The following RBFOX1 variants were observed in gnomAD, a reference collection of about 807,000 sequenced individuals.
The protein encoded by RBFOX1 is RNA binding protein fox-1 homolog 1.
RBFOX1 carries 8 observed loss-of-function variants against 57.7 expected under a neutral mutation model. The ratio of observed to expected loss-of-function variants is 0.14; its 90% CI spans 0.08 to 0.25. The LOEUF (loss-of-function observed/expected upper bound fraction) is 0.25, where lower values mean the gene tolerates loss of function less well. Among genes scored for constraint, RBFOX1 ranks in the 10% least tolerant of loss-of-function variants. The pLI is 1.00. For missense variants in RBFOX1, 611 were observed against 548.5 expected (o/e 1.11, Z -1.14); for synonymous variants, 326 against 222.4 (o/e 1.47, Z -4.15).
At chr16:5,365,793 C>T (rs1482682396) in intron 1 of RBFOX1, 1 of 510,668 alleles carries the variant, frequency 2.0e-6, no homozygotes, top group African/African-American at 1.9e-5. Flanking sequence ...ATGCTGCCAC[C>T]CAATGGAAGA....
chr16:5,976,266 A>G (rs1167832915), intron 4 of RBFOX1, among the ~76,000 whole-genome samples: 6 of 152,238 alleles, frequency 3.9e-5, no homozygotes, highest in Non-Finnish European at 8.8e-5. Flanking sequence ...AGAAAACAAC[A>G]GCAGCAACAA....
intron 3 of RBFOX1, among the ~76,000 whole-genome samples, chr16:5,678,361 A>G (rs2050227544): frequency 2.0e-5 from 3 of 152,330 alleles, no homozygotes. Flanking sequence ...TGTTGAACAA[A>G]CAAGTATTCG....
At chr16:6,134,573 C>G (rs888457224) in intron 1 of RBFOX1, among the ~76,000 whole-genome samples, 2 of 152,094 alleles carry the variant, frequency 1.3e-5, no homozygotes, top group Non-Finnish European at 2.9e-5. Context: ...ATTAGTTCTG[C>G]CCTACTCAGA....
chr16:6,408,996 G>C (rs1049351349), intron 2 of RBFOX1, among the ~76,000 whole-genome samples: 4 of 152,036 alleles, frequency 2.6e-5, no homozygotes, highest in Admixed American at 1.3e-4. Context: ...TTTCTGTTTT[G>C]TTCATCAATG....
rs140364987 is a variant in RBFOX1, at chr16:5,758,854, C to G, written c.319-108449C>G. Among the ~76,000 whole-genome samples, 111 of 152,248 alleles carry G rather than the reference C, an allele frequency of 7.3e-4. 1 individual carries two copies. Among genetic ancestry groups the G allele is most frequent in the African/African-American group, 2.5e-3 (102 of 41,550 alleles). On this transcript the variant is annotated intron_variant, in intron 3 of 19. Transcript: ENST00000641259. ...AGACAGGAAAAAGGTTTGTTAATGTCCCACTGTGGCAAAAGCGTGGCTGAC... is the reference window on the plus strand; with the variant it reads ...AGACAGGAAAAAGGTTTGTTAATGTGCCACTGTGGCAAAAGCGTGGCTGAC...
intron 4 of RBFOX1, among the ~76,000 whole-genome samples, chr16:5,891,410 T>C (rs1418178038): frequency 6.6e-6 from 1 of 152,224 alleles, no homozygotes; most frequent in Non-Finnish European, 1.5e-5. Flanking sequence ...ATCTTTCCTG[T>C]GCAACACTTT....
At chr16:6,236,167 A>C (rs1218148634) in intron 1 of RBFOX1, among the ~76,000 whole-genome samples, 1 of 152,216 alleles carries the variant, frequency 6.6e-6, no homozygotes, top group Non-Finnish European at 1.5e-5. Flanking sequence ...AAGAAGAGCA[A>C]CATCTGACTT....
intron 4 of RBFOX1, among the ~76,000 whole-genome samples, chr16:7,255,900 C>T (rs1209413112): frequency 6.6e-6 from 1 of 152,068 alleles, no homozygotes; most frequent in African/African-American, 2.4e-5. Context: ...TTTCCGTTAC[C>T]TTATTGGATA....
intron 3 of RBFOX1, among the ~76,000 whole-genome samples, chr16:7,030,077 A>G (rs961787583): frequency 6.6e-6 from 1 of 152,122 alleles, no homozygotes; most frequent in African/African-American, 2.4e-5. Context: ...AAAGTAAAAC[A>G]TTATTACAAA....
chr16:6,532,911 T>G (rs529463036), intron 2 of RBFOX1, among the ~76,000 whole-genome samples: 1 of 152,342 alleles, frequency 6.6e-6, no homozygotes. Flanking sequence ...CCAACACCAC[T>G]GGTCACTCTC....
At chr16:6,650,973 G>A (rs2098587087) in intron 2 of RBFOX1, among the ~76,000 whole-genome samples, 1 of 152,184 alleles carries the variant, frequency 6.6e-6, no homozygotes, top group South Asian at 2.1e-4. Flanking sequence ...CATGATCCCG[G>A]CTTACTGCAT....
chr16:5,313,514 C>T (rs114462620), intron 1 of RBFOX1, among the ~76,000 whole-genome samples: 2 of 152,048 alleles, frequency 1.3e-5, no homozygotes, highest in Non-Finnish European at 1.5e-5. Context: ...TGTATTAGTC[C>T]ATATTCATGC....
At chr16:6,838,700 AGTCTGGGGGCTTGCCC>A (rs1047832111) in intron 3 of RBFOX1, among the ~76,000 whole-genome samples, 33 of 152,110 alleles carry the variant, frequency 2.2e-4, no homozygotes, top group African/African-American at 7.5e-4. Context: ...GCTAATCCCC[AGTCTGGGGGCTTGCCC>A]GTCCTGCATC....
chr16:5,412,183 C>A (rs76749945), intron 1 of RBFOX1, among the ~76,000 whole-genome samples: 3,236 of 151,900 alleles, frequency 0.021, 113 homozygotes, highest in African/African-American at 0.074. Flanking sequence ...TGGGTTTGAA[C>A]CCTGGCCAGG....
At chr16:6,558,016 C>G (rs912190960) in intron 2 of RBFOX1, among the ~76,000 whole-genome samples, 2 of 152,114 alleles carry the variant, frequency 1.3e-5, no homozygotes, top group African/African-American at 4.8e-5. Context: ...GAAACATTTT[C>G]TAGGAAAATT....
chr16:7,703,406 G>C (rs964657617), intron 14 of RBFOX1, among the ~76,000 whole-genome samples: 4 of 152,142 alleles, frequency 2.6e-5, no homozygotes, highest in African/African-American at 9.7e-5. Context: ...TGAGAGCTGA[G>C]CAGATTTCAC....
At chr16:6,985,011 G>A (rs919810888) in intron 3 of RBFOX1, among the ~76,000 whole-genome samples, 1 of 149,772 alleles carries the variant, frequency 6.7e-6, no homozygotes, top group Non-Finnish European at 1.5e-5. Flanking sequence ...AAAAACCCAG[G>A]GGGAAATATC....
At position 5,908,155 on chromosome 16, in the gene RBFOX1, CACATATATAT is replaced by C. The variant is rs1203201216; in HGVS notation, c.351+40824_351+40833del. On this transcript the variant is annotated intron_variant, in intron 4 of 19. Transcript: ENST00000641259. The stretch of plus-strand genomic sequence containing the variant: ...ATATACACATATATACACATATATA[CACATATATAT>C]ACACATATATACACATATATACACA... Among the ~76,000 whole-genome samples, 8 of 122,122 alleles carry C rather than the reference CACATATATAT, an allele frequency of 6.6e-5. No individual in the cohort carries two copies. In the South Asian group the frequency reaches 9.9e-4, roughly 15 times the overall value. 80.1% of individuals were successfully genotyped at this position (122,122 alleles called of 152,430 possible). A position where few individuals can be genotyped will look rare whatever the true frequency, so the allele number is the denominator to read the frequency against.
intron 4 of RBFOX1, among the ~76,000 whole-genome samples, chr16:7,096,447 G>T (rs2061709488): frequency 6.6e-6 from 1 of 152,166 alleles, no homozygotes; most frequent in African/African-American, 2.4e-5. Flanking sequence ...ACATGCCACT[G>T]TTAACAGCAG....
Sources: gnomAD v4.1 joint callset for allele counts (sites outside exome capture counted in the v4.1 genomes callset) on GRCh38, gnomAD v4.1.1 for gene constraint, MANE v1.5 for transcripts, NCBI Gene and HGNC (gene_info 2026-07-23, HGNC 2026-07-21) for gene names.